ADAMTSL1: variants seen among roughly 807,000 people sequenced by gnomAD.
ADAMTSL1 encodes the protein ADAMTS like 1.
In ADAMTSL1, 126 loss-of-function variants were observed where a neutral mutation model predicts 201.8. The ratio of observed to expected loss-of-function variants is 0.62; its 90% confidence interval spans 0.54 to 0.72. The LOEUF (loss-of-function observed/expected upper bound fraction) is 0.72, where lower values mean the gene tolerates loss of function less well. Among genes scored for constraint, ADAMTSL1 ranks in the 30% least tolerant of loss-of-function variants. ADAMTSL1 has a pLI of 0.00. For synonymous variants in ADAMTSL1, 1,121 were observed against 903.4 expected (o/e 1.24, Z -4.32); for missense variants, 2,679 against 2,277.8 (o/e 1.18, Z -3.59).
intron 4 of ADAMTSL1, among the ~76,000 whole-genome samples, chr9:18,581,897 C>G (rs1214255112): frequency 6.6e-6 from 1 of 152,190 alleles, no homozygotes; most frequent in Non-Finnish European, 1.5e-5. Context: ...TCAGCCCAGG[C>G]TTCTGCATCT....
intron 19 of ADAMTSL1, among the ~76,000 whole-genome samples, chr9:18,783,517 T>C (rs1272629657): frequency 1.3e-5 from 2 of 152,232 alleles, no homozygotes; most frequent in Non-Finnish European, 2.9e-5. Flanking sequence ...CTCTAGATTA[T>C]CACAACAGCT....
Position 18,069,094 on chromosome 9 carries a change from T to C in ADAMTSL1, c.88-94768T>C, listed in dbSNP as rs1488073447. Among the ~76,000 whole-genome samples the C allele has an allele frequency of 3.3e-5, 5 of 152,094 alleles. No individual in the cohort carries two copies. The East Asian group carries it at 7.7e-4, about 23-fold the overall frequency. On this transcript the variant is annotated intron_variant, in intron 1 of 29. Transcript: ENST00000680146. ...TAAGTGTGTGTCTAAAACAGGTCTA[T>C]CATTACGTGACTCACTGCTGACATG...
At chr9:18,465,081 A>G (rs1487274704) in intron 2 of ADAMTSL1, among the ~76,000 whole-genome samples, 1 of 152,240 alleles carries the variant, frequency 6.6e-6, no homozygotes, top group Non-Finnish European at 1.5e-5. Context: ...AAATTATCCT[A>G]GAAAAGTTTA....
intron 2 of ADAMTSL1, among the ~76,000 whole-genome samples, chr9:18,349,699 G>A (rs1418973907): frequency 1.3e-5 from 2 of 151,918 alleles, no homozygotes; most frequent in South Asian, 2.1e-4. Flanking sequence ...CATTTCCATC[G>A]GGCTGGAATC....
chr9:18,682,835 A>C (rs1432048301), intron 12 of ADAMTSL1, among the ~76,000 whole-genome samples: 1 of 152,194 alleles, frequency 6.6e-6, no homozygotes, highest in African/African-American at 2.4e-5. Context: ...TTAATGATAT[A>C]AAAGGAAACA....
intron 2 of ADAMTSL1, among the ~76,000 whole-genome samples, chr9:18,458,214 AGT>A (rs1820680576): frequency 6.6e-6 from 1 of 152,214 alleles, no homozygotes; most frequent in South Asian, 2.1e-4. Flanking sequence ...AACATTTTTT[AGT>A]GTGTCCCACT....
chr9:18,732,791 C>G (rs1189908247), intron 15 of ADAMTSL1, among the ~76,000 whole-genome samples: 1 of 152,176 alleles, frequency 6.6e-6, no homozygotes, highest in Non-Finnish European at 1.5e-5. Flanking sequence ...GGCATCTTGT[C>G]CCCATATCCT....
intron 2 of ADAMTSL1, among the ~76,000 whole-genome samples, chr9:18,203,967 G>T (rs998087231): frequency 6.6e-6 from 1 of 152,170 alleles, no homozygotes; most frequent in Non-Finnish European, 1.5e-5. Flanking sequence ...AATTTACTGG[G>T]GAGAGGGGAG....
chr9:18,356,671 A>G (rs1411465279), intron 2 of ADAMTSL1, among the ~76,000 whole-genome samples: 1 of 151,292 alleles, frequency 6.6e-6, no homozygotes, highest in African/African-American at 2.4e-5. Flanking sequence ...ACTTTCTAGA[A>G]GGTATTAAAA....
chr9:18,875,032 G>A (rs1828065723), intron 23 of ADAMTSL1, among the ~76,000 whole-genome samples: 1 of 151,980 alleles, frequency 6.6e-6, no homozygotes, highest in Non-Finnish European at 1.5e-5. Flanking sequence ...ATCACCTCTA[G>A]GTTTTCTAGT....
At chr9:18,670,622 G>T (rs563187909) in intron 9 of ADAMTSL1, among the ~76,000 whole-genome samples, 1 of 152,114 alleles carries the variant, frequency 6.6e-6, no homozygotes, top group African/African-American at 2.4e-5. Context: ...ACTTGTTTTT[G>T]CTTTTTTGTT....
chr9:18,326,707 G>T (rs1834842733), intron 2 of ADAMTSL1, among the ~76,000 whole-genome samples: 1 of 152,064 alleles, frequency 6.6e-6, no homozygotes, highest in East Asian at 1.9e-4. Context: ...TTCCCCCTTG[G>T]TAAATGAATG....
chr9:18,410,307 T>TCACCTA lies in ADAMTSL1; in HGVS notation c.208-94521_208-94516dup, dbSNP rs1487452793. Reference sequence around the variant, plus strand: ...GTGGTTTACTGTGCAGATCATCCTATCACCTAGTTATTAAGCATCCATTAG... The same window carrying TCACCTA: ...GTGGTTTACTGTGCAGATCATCCTATCACCTACACCTAGTTATTAAGCATCCATTAG... On this transcript the variant is annotated intron_variant, in intron 2 of 29. Transcript: ENST00000680146. Among the ~76,000 whole-genome samples the TCACCTA allele has an allele frequency of 2.6e-5, 4 of 152,080 alleles. No homozygotes were observed. The East Asian group carries it at 5.8e-4, about 22-fold the overall frequency.
intron 1 of ADAMTSL1, among the ~76,000 whole-genome samples, chr9:17,956,376 T>G (rs1259461162): frequency 6.6e-6 from 1 of 152,156 alleles, no homozygotes; most frequent in Non-Finnish European, 1.5e-5. Context: ...AACAAGGTAT[T>G]GAGAGTAGTA....
intron 13 of ADAMTSL1, among the ~76,000 whole-genome samples, chr9:18,703,701 CATATATATAT>C (rs72258520): frequency 0.011 from 899 of 78,784 alleles, 65 homozygotes; most frequent in Middle Eastern, 0.029. Flanking sequence ...TGCGCACATA[CATATATATAT>C]ATATATATAT....
intron 28 of ADAMTSL1, chr9:18,907,934 A>C (rs1830407067): frequency 5.4e-6 from 1 of 184,160 alleles, no homozygotes; most frequent in Non-Finnish European, 1.1e-5. Context: ...ATAAAGCTTA[A>C]CAGAGAAAGT....
chr9:18,234,952 T>G (rs1830783721), intron 2 of ADAMTSL1, among the ~76,000 whole-genome samples: 1 of 152,220 alleles, frequency 6.6e-6, no homozygotes, highest in African/African-American at 2.4e-5. Context: ...ATAGATAGTT[T>G]CCATATACCT....
intron 2 of ADAMTSL1, among the ~76,000 whole-genome samples, chr9:18,177,804 A>C (rs1828242981): frequency 6.6e-6 from 1 of 152,206 alleles, no homozygotes; most frequent in African/African-American, 2.4e-5. Context: ...GGTGCAGGGG[A>C]ATCTGGGCAG....
At chr9:18,270,670 A>G (rs994545768) in intron 2 of ADAMTSL1, among the ~76,000 whole-genome samples, 1 of 152,212 alleles carries the variant, frequency 6.6e-6, no homozygotes, top group Non-Finnish European at 1.5e-5. Flanking sequence ...TTAAACATAT[A>G]TACTTTCAGA....
Sources: gnomAD v4.1 joint callset for allele counts (sites outside exome capture counted in the v4.1 genomes callset) on GRCh38, gnomAD v4.1.1 for gene constraint, MANE v1.5 for transcripts, NCBI Gene and HGNC (gene_info 2026-07-23, HGNC 2026-07-21) for gene names.